The following SAMD3 variants were observed in gnomAD, a reference collection of about 807,000 sequenced individuals.
The protein encoded by SAMD3 is sterile alpha motif domain-containing protein 3.
SAMD3 carries 63 observed loss-of-function variants against 58.5 expected under a neutral mutation model. The observed-to-expected ratio is 1.08, with a 90% confidence interval of 0.88 to 1.33. The LOEUF is 1.33. Among genes scored for constraint, SAMD3 ranks in the 40% most tolerant of loss-of-function variants. SAMD3 has a pLI of 0.00. For missense variants in SAMD3, 604 were observed against 608.4 expected, an observed-to-expected ratio of 0.99 and a Z score of 0.08; for synonymous variants, 220 against 210.3, an observed-to-expected ratio of 1.05 and a Z score of -0.40.
At chr6:130,346,929 C>T (rs889286896) in intron 1 of SAMD3, among the ~76,000 whole-genome samples, 8 of 152,154 alleles carry the variant, frequency 5.3e-5, no homozygotes, top group Admixed American at 2.0e-4. Flanking sequence ...CACCAATATC[C>T]GCTGTTCTGC....
chr6:130,252,682 G>A (rs960569969), intron 2 of SAMD3, among the ~76,000 whole-genome samples: 6 of 152,264 alleles, frequency 3.9e-5, no homozygotes, highest in Middle Eastern at 3.4e-3. Flanking sequence ...CTGAAGTGTC[G>A]TTTGTTTTTG....
intron 1 of SAMD3, among the ~76,000 whole-genome samples, chr6:130,337,748 T>C (rs992565952): frequency 3.9e-5 from 6 of 152,222 alleles, no homozygotes; most frequent in African/African-American, 1.4e-4. Flanking sequence ...CTTGCTGTGC[T>C]TTAACAAAGA....
chr6:130,341,182 GAAAT>G (rs1583130519), intron 1 of SAMD3, among the ~76,000 whole-genome samples: 1 of 151,864 alleles, frequency 6.6e-6, no homozygotes, highest in Non-Finnish European at 1.5e-5. Context: ...AGGAAGGAAG[GAAAT>G]AAATAAATTA....
intron 2 of SAMD3, among the ~76,000 whole-genome samples, chr6:130,275,389 G>A (rs1056022227): frequency 1.3e-5 from 2 of 152,154 alleles, no homozygotes; most frequent in East Asian, 3.9e-4. Context: ...TCAGCTCTGG[G>A]TTTTAAATCT....
At chr6:130,299,305 CAAG>C (rs888808449) in intron 2 of SAMD3, among the ~76,000 whole-genome samples, 1 of 151,894 alleles carries the variant, frequency 6.6e-6, no homozygotes, top group African/African-American at 2.4e-5. Context: ...AAATCAATAC[CAAG>C]AAGAACACTC....
intron 2 of SAMD3, among the ~76,000 whole-genome samples, chr6:130,235,395 G>A (rs1773113243): frequency 6.6e-6 from 1 of 152,134 alleles, no homozygotes; most frequent in African/African-American, 2.4e-5. Flanking sequence ...TACTGTGCTT[G>A]AGCATTGTAG....
chr6:130,215,071 G>C (rs1795912741), intron 3 of SAMD3, 124 bp downstream of exon 3: 1 of 534,580 alleles, frequency 1.9e-6, no homozygotes, highest in African/African-American at 2.0e-5. Context: ...CTCTACTGCA[G>C]CAACCCCACA....
In SAMD3 at chr6:130,346,419, A is replaced by T. The variant is rs568947475; in HGVS notation, c.-304+18701T>A. Among the ~76,000 whole-genome samples the T allele has an allele frequency of 7.2e-5, 11 of 152,280 alleles. No individual in the cohort carries two copies. The East Asian group carries it at 2.1e-3, about 29-fold the overall frequency. On this transcript the variant is annotated intron_variant, in intron 1 of 13. Coordinates refer to the SAMD3 transcript ENST00000368134. ...GTCTTAGCAAACGGCACACCAGGAG[A>T]TTATATCCTGTGCCTGGCTTGGAGG...
At chr6:130,249,178 C>T (rs923974194) in intron 2 of SAMD3, among the ~76,000 whole-genome samples, 5 of 152,102 alleles carry the variant, frequency 3.3e-5, no homozygotes, top group Non-Finnish European at 5.9e-5. Context: ...AGGGCTGGGA[C>T]CTAAACAATT....
At chr6:130,198,298 G>A (rs138421797) in intron 5 of SAMD3, among the ~76,000 whole-genome samples, 2,602 of 152,174 alleles carry the variant, frequency 0.017, 26 homozygotes, top group South Asian at 0.042. Flanking sequence ...CAAACTCCTG[G>A]GCTCAATGGA....
intron 2 of SAMD3, among the ~76,000 whole-genome samples, chr6:130,231,398 T>C (rs1263731104): frequency 1.3e-5 from 2 of 152,002 alleles, no homozygotes; most frequent in African/African-American, 2.4e-5. Flanking sequence ...ACCCTGTCTC[T>C]ACTAAAAATA....
chr6:130,350,023 C>A (rs1014154021), intron 1 of SAMD3, among the ~76,000 whole-genome samples: 2 of 152,088 alleles, frequency 1.3e-5, no homozygotes, highest in South Asian at 4.1e-4. Context: ...ATTCAACAGC[C>A]CTTCATACTA....
chr6:130,215,381 C>A, intron 2 of SAMD3, 87 bp from the exon 3 acceptor site: 1 of 1,265,142 alleles, frequency 7.9e-7, no homozygotes, highest in Non-Finnish European at 1.1e-6. Flanking sequence ...GCTTCCTTTG[C>A]TAGACTCCTT....
rs1200919553 is a variant in SAMD3 at position 130,161,937 on chromosome 6, A to G, written c.823-6912T>C. On this transcript the variant is annotated intron_variant, in intron 8 of 11. Transcript: ENST00000439090. ...CTTCAAGATGTCTGTCTCAGCAGACAAAGTTAATGGAGGGCCGTGCTCAAG... is the reference window on the plus strand; with the variant it reads ...CTTCAAGATGTCTGTCTCAGCAGACGAAGTTAATGGAGGGCCGTGCTCAAG... The G allele has an allele frequency of 1.7e-5, 4 of 238,782 alleles. No individual in the cohort carries two copies. The East Asian group carries it at 2.4e-4, about 14-fold the overall frequency. The allele number at this position is 238,782 out of a possible 1,614,324, so 14.8% of individuals were successfully genotyped here. A position where few individuals can be genotyped will look rare whatever the true frequency, so the allele number is the denominator to read the frequency against.
chr6:130,270,648 C>T (rs1232893771), intron 2 of SAMD3, among the ~76,000 whole-genome samples: 1 of 152,190 alleles, frequency 6.6e-6, no homozygotes. Flanking sequence ...AGAAAGTAAT[C>T]TCCCCAGAAT....
At chr6:130,150,131 G>A (rs1167762844) in intron 9 of SAMD3, among the ~76,000 whole-genome samples, 5 of 152,044 alleles carry the variant, frequency 3.3e-5, no homozygotes, top group Non-Finnish European at 4.4e-5. Flanking sequence ...GTGTGTGTGC[G>A]TGTATTTCAT....
chr6:130,219,072 T>C (rs1380777049), intron 1 of SAMD3, among the ~76,000 whole-genome samples: 2 of 152,244 alleles, frequency 1.3e-5, no homozygotes, highest in Non-Finnish European at 1.5e-5. Flanking sequence ...GTGTATGAGA[T>C]GGAAGGGCTT....
chr6:130,350,922 C>T (rs1395372829), intron 1 of SAMD3, among the ~76,000 whole-genome samples: 1 of 152,128 alleles, frequency 6.6e-6, no homozygotes, highest in African/African-American at 2.4e-5. Context: ...GATAATGCCG[C>T]ATATCTACAA....
At chr6:130,229,775 G>A (rs1041214565) in intron 2 of SAMD3, among the ~76,000 whole-genome samples, 1 of 152,140 alleles carries the variant, frequency 6.6e-6, no homozygotes, top group African/African-American at 2.4e-5. Flanking sequence ...TTAGTGCTAC[G>A]TTTGGCACAA....
Sources: allele counts gnomAD v4.1 joint callset (sites outside exome capture counted in the v4.1 genomes callset), GRCh38; gene constraint gnomAD v4.1.1; transcripts MANE v1.5; gene names NCBI Gene and HGNC (gene_info 2026-07-23, HGNC 2026-07-21).